ETV6: variants seen among roughly 807,000 people sequenced by gnomAD.
The protein encoded by ETV6 is ETS variant transcription factor 6.
ETV6 carries 16 observed loss-of-function variants against 51.1 expected under a neutral mutation model. The observed-to-expected ratio is 0.31, with a 90% CI of 0.21 to 0.48. ETV6 has a LOEUF of 0.48. ETV6 is among the 20% of genes least tolerant of loss of function. The pLI, the probability that ETV6 is intolerant of heterozygous loss-of-function variation, is 0.99. For missense variants in ETV6, 458 were observed against 594.8 expected, an observed-to-expected ratio of 0.77 and a Z score of 2.39; for synonymous variants, 240 against 224.1, an observed-to-expected ratio of 1.07 and a Z score of -0.64.
intron 2 of ETV6, among the ~76,000 whole-genome samples, chr12:11,797,474 T>C (rs1341164815): frequency 6.6e-6 from 1 of 152,022 alleles, no homozygotes; most frequent in Non-Finnish European, 1.5e-5. Context: ...CCACAGAGAC[T>C]GGGATTCGGT....
chr12:11,822,480 C>CAT (rs1946095361), intron 2 of ETV6, among the ~76,000 whole-genome samples: 2 of 152,224 alleles, frequency 1.3e-5, no homozygotes, highest in African/African-American at 4.8e-5. Flanking sequence ...CATCAGTAAA[C>CAT]ATATACCCTT....
At chr12:11,780,461 A>G (rs916464689) in intron 2 of ETV6, among the ~76,000 whole-genome samples, 25 of 151,432 alleles carry the variant, frequency 1.7e-4, no homozygotes, top group African/African-American at 4.4e-4. Context: ...AATCACAGAG[A>G]AAAAAAAAGC....
chr12:11,791,380 G>C (rs1337513881), intron 2 of ETV6, among the ~76,000 whole-genome samples: 1 of 152,126 alleles, frequency 6.6e-6, no homozygotes, highest in Non-Finnish European at 1.5e-5. Context: ...CCTGCCATAG[G>C]GATGTTGTCC....
chr12:11,662,969 G>A (rs1357539620), intron 1 of ETV6, among the ~76,000 whole-genome samples: 1 of 152,238 alleles, frequency 6.6e-6, no homozygotes, highest in East Asian at 1.9e-4. Context: ...GCAAGAGTTA[G>A]TCCTGTTGGC....
chr12:11,662,193 T>C (rs555955916), intron 1 of ETV6, among the ~76,000 whole-genome samples: 13 of 152,124 alleles, frequency 8.5e-5, no homozygotes, highest in Non-Finnish European at 1.6e-4. Flanking sequence ...TTACTTATCT[T>C]TTGGGTGCAA....
intron 5 of ETV6, among the ~76,000 whole-genome samples, chr12:11,880,919 G>T (rs565993508): frequency 5.9e-5 from 9 of 152,094 alleles, no homozygotes; most frequent in African/African-American, 1.9e-4. Flanking sequence ...ACTTTCGTTC[G>T]TCCTGATTTA....
At chr12:11,684,858 G>C (rs1375255680) in intron 1 of ETV6, among the ~76,000 whole-genome samples, 1 of 152,218 alleles carries the variant, frequency 6.6e-6, no homozygotes, top group African/African-American at 2.4e-5. Context: ...ATACCCAAGA[G>C]CCAATATTCT....
At chr12:11,766,997 C>T (rs1047424805) in intron 2 of ETV6, among the ~76,000 whole-genome samples, 5 of 152,114 alleles carry the variant, frequency 3.3e-5, no homozygotes, top group South Asian at 4.1e-4. Flanking sequence ...CTGAAATTGA[C>T]ATGATGATGC....
intron 1 of ETV6, among the ~76,000 whole-genome samples, chr12:11,710,698 C>T (rs1865157855): frequency 6.6e-6 from 1 of 152,192 alleles, no homozygotes; most frequent in African/African-American, 2.4e-5. Flanking sequence ...ATAGCTAGGG[C>T]ATTTTTGGAG....
chr12:11,763,375 T>G (rs1327186419), intron 2 of ETV6, among the ~76,000 whole-genome samples: 1 of 152,198 alleles, frequency 6.6e-6, no homozygotes, highest in Non-Finnish European at 1.5e-5. Context: ...TTAAAGGTCT[T>G]TTAGGAACAC....
chr12:11,829,282 T>G (rs1946206084), intron 2 of ETV6, among the ~76,000 whole-genome samples: 2 of 152,194 alleles, frequency 1.3e-5, no homozygotes, highest in Admixed American at 1.3e-4. Flanking sequence ...CCAAAATGCA[T>G]TGAGCACTTG....
rs866230764 is a variant in ETV6 at position 11,833,919 on chromosome 12, T to G, written c.164-5221T>G. On this transcript the variant is annotated intron_variant, in intron 2 of 7. Transcript: ENST00000396373. ...AGTTTTCTCATCTGTAAAAAAAGAA[T>G]AATAATCATTGCAGTGATAAGATTC... Among the ~76,000 whole-genome samples, 3 of 152,316 alleles carry G rather than the reference T, an allele frequency of 2.0e-5. No homozygotes were observed. The Middle Eastern group carries it at 0.01, about 518-fold the overall frequency.
intron 1 of ETV6, among the ~76,000 whole-genome samples, chr12:11,693,721 C>T (rs1394252928): frequency 1.3e-5 from 2 of 152,202 alleles, no homozygotes; most frequent in African/African-American, 4.8e-5. Context: ...CAGTGCTTTC[C>T]CTGCACTATC....
intron 2 of ETV6, among the ~76,000 whole-genome samples, chr12:11,756,779 A>G (rs369074546): frequency 1.3e-5 from 2 of 152,324 alleles, no homozygotes; most frequent in East Asian, 1.9e-4. Flanking sequence ...CAGCCTGCTC[A>G]TTGGCAGAGG....
intron 1 of ETV6, among the ~76,000 whole-genome samples, chr12:11,661,374 T>G (rs1003301014): frequency 6.6e-6 from 1 of 152,260 alleles, no homozygotes; most frequent in Non-Finnish European, 1.5e-5. Context: ...CTTTGCACTT[T>G]TGAGACCCGT....
At chr12:11,837,940 A>T (rs937319828) in intron 2 of ETV6, among the ~76,000 whole-genome samples, 1 of 152,212 alleles carries the variant, frequency 6.6e-6, no homozygotes, top group African/African-American at 2.4e-5. Context: ...CATAAATTAA[A>T]CCTGGGTATT....
chr12:11,729,413 GA>G (rs1865552775), intron 1 of ETV6, among the ~76,000 whole-genome samples: 1 of 152,182 alleles, frequency 6.6e-6, no homozygotes, highest in African/African-American at 2.4e-5. Flanking sequence ...AGCCATGTGG[GA>G]TCAGGTGGGG....
chr12:11,766,956 A>G (rs781030691), intron 2 of ETV6, among the ~76,000 whole-genome samples: 53 of 152,194 alleles, frequency 3.5e-4, no homozygotes, highest in Non-Finnish European at 5.7e-4. Context: ...CTTCAGTTCC[A>G]TCAGCCTGCA....
chr12:11,887,396 A>G (rs946927975), intron 7 of ETV6, among the ~76,000 whole-genome samples: 1 of 152,158 alleles, frequency 6.6e-6, no homozygotes, highest in Admixed American at 6.5e-5. Context: ...CCCCTTAAAT[A>G]TCACATTTAA....
Sources: allele counts gnomAD v4.1 joint callset (sites outside exome capture counted in the v4.1 genomes callset), GRCh38; gene constraint gnomAD v4.1.1; transcripts MANE v1.5; gene names NCBI Gene and HGNC (gene_info 2026-07-23, HGNC 2026-07-21).